Variants in SNX6 observed in about 807,000 individuals in gnomAD.
The protein encoded by SNX6 is sorting nexin 6, also known as sorting nexin-6.
In SNX6, 34 loss-of-function variants were observed where a neutral mutation model predicts 63.0. That is an observed-to-expected ratio of 0.54 (90% confidence interval 0.41 to 0.72). The LOEUF (loss-of-function observed/expected upper bound fraction) is 0.72, where lower values mean the gene tolerates loss of function less well. SNX6 is among the 30% of genes least tolerant of loss of function. SNX6 has a pLI of 0.00. For synonymous variants in SNX6, 170 were observed against 164.2 expected (o/e 1.04, Z -0.27); for missense variants, 398 against 471.4 (o/e 0.84, Z 1.44).
rs141412646 is a variant in SNX6 at position 34,593,820 on chromosome 14, C to T, written c.613-670G>A. On this transcript the variant is annotated intron_variant, in intron 7 of 13. Coordinates refer to ENST00000362031, the MANE Select transcript of SNX6 (RefSeq NM_152233.4). ...GTCTCGAACTCCTCACCTCATGATCCGCCCACCTCGGCCTCCCAAAGTGCT... is the reference window on the plus strand; with the variant it reads ...GTCTCGAACTCCTCACCTCATGATCTGCCCACCTCGGCCTCCCAAAGTGCT... Among the ~76,000 whole-genome samples the T allele has an allele frequency of 4.1e-3, 620 of 151,988 alleles. 4 individuals are homozygous for T. Among genetic ancestry groups the T allele is most frequent in the African/African-American group, 0.014 (592 of 41,444 alleles).
At chr14:34,605,456 T>C (rs1273072445) in intron 5 of SNX6, 140 bp downstream of exon 5, 4 of 621,596 alleles carry the variant, frequency 6.4e-6, no homozygotes, top group East Asian at 3.0e-5. Flanking sequence ...ATACTGGTTG[T>C]ATGACTTAAA....
chr14:34,595,224 T>C (rs1395073756), intron 7 of SNX6, among the ~76,000 whole-genome samples: 3 of 152,194 alleles, frequency 2.0e-5, no homozygotes, highest in Admixed American at 2.0e-4. Context: ...AACCTCTGCC[T>C]CCGGGGTTCA....
intron 11 of SNX6, among the ~76,000 whole-genome samples, chr14:34,573,420 C>G (rs1881539537): frequency 6.6e-6 from 1 of 151,920 alleles, no homozygotes; most frequent in Non-Finnish European, 1.5e-5. Flanking sequence ...ACTAAAAATA[C>G]AAAAATTATC....
At chr14:34,575,621 G>A in intron 11 of SNX6, 135 bp downstream of exon 11, 1 of 446,406 alleles carries the variant, frequency 2.2e-6, no homozygotes, top group South Asian at 2.9e-5. Flanking sequence ...TCTAAAAGGA[G>A]AAATAGAATT....
chr14:34,623,698 A>G (rs953419234), intron 2 of SNX6, among the ~76,000 whole-genome samples: 12 of 152,162 alleles, frequency 7.9e-5, no homozygotes, highest in Non-Finnish European at 4.4e-5. Flanking sequence ...AAGATGAAGG[A>G]TATGACTCAG....
At chr14:34,575,063 TG>T (rs1694971393) in intron 11 of SNX6, among the ~76,000 whole-genome samples, 1 of 149,132 alleles carries the variant, frequency 6.7e-6, no homozygotes, top group African/African-American at 2.5e-5. Flanking sequence ...GGCTAATTTT[TG>T]TATTTTTAGT....
intron 2 of SNX6, among the ~76,000 whole-genome samples, chr14:34,618,325 G>C (rs939285733): frequency 6.6e-6 from 1 of 151,526 alleles, no homozygotes; most frequent in Admixed American, 6.6e-5. Context: ...CCACTCCTCT[G>C]GCTCACTATA....
At chr14:34,569,496 C>T (rs372680022) in intron 11 of SNX6, among the ~76,000 whole-genome samples, 3 of 151,656 alleles carry the variant, frequency 2.0e-5, no homozygotes, top group Non-Finnish European at 4.4e-5. Context: ...GGTGTGAACT[C>T]GGCTCACTAC....
chr14:34,617,778 G>A (rs965417448), intron 2 of SNX6, among the ~76,000 whole-genome samples: 20 of 151,758 alleles, frequency 1.3e-4, no homozygotes, highest in African/African-American at 2.9e-4. Flanking sequence ...AAAATAAGCC[G>A]GGCGTGGTGG....
intron 6 of SNX6, among the ~76,000 whole-genome samples, chr14:34,600,850 C>T (rs1024383985): frequency 4.6e-5 from 7 of 151,954 alleles, no homozygotes; most frequent in Admixed American, 3.3e-4. Flanking sequence ...CCAGCCTGAC[C>T]AATATGGTGA....
At chr14:34,594,014 G>GCAC (rs1882505835) in intron 7 of SNX6, among the ~76,000 whole-genome samples, 1 of 152,072 alleles carries the variant, frequency 6.6e-6, no homozygotes, top group Admixed American at 6.6e-5. Flanking sequence ...ATGAGCCACC[G>GCAC]CACTTGGCCT....
At position 34,562,967 on chromosome 14, in the gene SNX6, C is replaced by T. The variant is rs764297772; in HGVS notation, c.*155G>A. ...CACAGACTGGCATCGCCTGGGCGTG[C>T]GCTGCTCCATGTTTCTCAGAAAAAG... On this transcript the variant is annotated 3_prime_UTR_variant, in exon 14 of 14. Coordinates refer to ENST00000362031, the MANE Select transcript of SNX6 (RefSeq NM_152233.4). 7 of 713,488 alleles carry T rather than the reference C, an allele frequency of 9.8e-6. No homozygotes were observed. The highest frequency in any genetic ancestry group is 8.0e-5 in the Admixed American group (3 of 37,714). The allele number at this position is 713,488 out of a possible 1,614,324, so 44.2% of individuals were successfully genotyped here.
chr14:34,594,005 T>C (rs1385294425), intron 7 of SNX6, among the ~76,000 whole-genome samples: 3 of 152,186 alleles, frequency 2.0e-5, no homozygotes, highest in African/African-American at 7.2e-5. Flanking sequence ...ATTACAGGCA[T>C]GAGCCACCGC....
chr14:34,583,431 T>TTTTTTC (rs143973932), intron 9 of SNX6, among the ~76,000 whole-genome samples: 56,788 of 119,076 alleles, frequency 0.48, 12,424 homozygotes, highest in East Asian at 0.74. Flanking sequence ...GGTTATTCAT[T>TTTTTTC]TTTTTCTTTT....
intron 9 of SNX6, among the ~76,000 whole-genome samples, chr14:34,585,980 C>G (rs1326971748): frequency 6.6e-6 from 1 of 152,102 alleles, no homozygotes; most frequent in East Asian, 1.9e-4. Context: ...TCTCAGCTCA[C>G]TGCAACCTCT....
chr14:34,576,450 ATATTTTT>A (rs1225027835), intron 10 of SNX6, among the ~76,000 whole-genome samples: 5 of 80,804 alleles, frequency 6.2e-5, no homozygotes, highest in Non-Finnish European at 7.1e-5. Flanking sequence ...ATATATATAT[ATATTTTT>A]TTTTTTTTTG....
chr14:34,613,513 C>T (rs536366033), intron 2 of SNX6, among the ~76,000 whole-genome samples: 2 of 152,288 alleles, frequency 1.3e-5, no homozygotes, highest in African/African-American at 4.8e-5. Context: ...CAGAATCTGG[C>T]TGGGCATGGT....
At chr14:34,576,017 G>A (rs1292830641) in intron 10 of SNX6, among the ~76,000 whole-genome samples, 175 bp from the exon 11 acceptor site, 1 of 150,646 alleles carries the variant, frequency 6.6e-6, no homozygotes, top group Non-Finnish European at 1.5e-5. Flanking sequence ...TCCGCCTCCT[G>A]GGTTCACGCC....
intron 2 of SNX6, among the ~76,000 whole-genome samples, chr14:34,611,586 A>C (rs777840370): frequency 6.6e-6 from 1 of 151,286 alleles, no homozygotes. Context: ...GATTGAGACC[A>C]TACTGGTCAA....
Sources: allele counts gnomAD v4.1 joint callset (sites outside exome capture counted in the v4.1 genomes callset), GRCh38; gene constraint gnomAD v4.1.1; transcripts MANE v1.5; gene names NCBI Gene and HGNC (gene_info 2026-07-23, HGNC 2026-07-21).